Variants in DOCK3 observed in about 807,000 individuals in gnomAD.
DOCK3 encodes dedicator of cytokinesis protein 3.
A neutral mutation model predicts 265.6 loss-of-function variants in DOCK3; 60 were observed. The ratio of observed to expected loss-of-function variants is 0.23; its 90% CI spans 0.18 to 0.28. The LOEUF (loss-of-function observed/expected upper bound fraction) is 0.28. Among genes scored for constraint, DOCK3 ranks in the 10% least tolerant of loss-of-function variants. The pLI is 1.00. For missense variants in DOCK3, 1,981 were observed against 2,594.3 expected, an observed-to-expected ratio of 0.76 and a Z score of 5.14; for synonymous variants, 881 against 938.0, an observed-to-expected ratio of 0.94 and a Z score of 1.11.
chr3:50,779,484 A>T (rs1475863441), intron 2 of DOCK3, among the ~76,000 whole-genome samples: 1 of 152,148 alleles, frequency 6.6e-6, no homozygotes, highest in Non-Finnish European at 1.5e-5. Flanking sequence ...CCCAGGTTCA[A>T]GTAATTCCCC....
chr3:50,747,345 A>G (rs62260156), intron 1 of DOCK3, among the ~76,000 whole-genome samples: 5,445 of 152,220 alleles, frequency 0.036, 135 homozygotes, highest in Non-Finnish European at 0.058. Context: ...GTCTATTTCT[A>G]TAATTGGGAT....
At chr3:50,971,125 C>T (rs2077222329) in intron 5 of DOCK3, among the ~76,000 whole-genome samples, 1 of 149,592 alleles carries the variant, frequency 6.7e-6, no homozygotes, top group African/African-American at 2.5e-5. Flanking sequence ...TCATCATGCT[C>T]AGCCCCACTG....
In DOCK3 at chr3:50,675,114, C is replaced by G. The variant is rs1211419587; in HGVS notation, c.-150C>G. 7.4e-6 allele frequency: 3 copies of G among 406,808 alleles called. No homozygotes were observed. The highest frequency in any genetic ancestry group is 1.0e-5 in the Non-Finnish European group (3 of 299,310). 25.2% of individuals were successfully genotyped at this position (406,808 alleles called of 1,614,324 possible). A position where few individuals can be genotyped will look rare whatever the true frequency, so the allele number is the denominator to read the frequency against. ...CGTGGCGGGGGTGGCGGCGGCATCCCGGACGGCCTGTGAGGGATGCGCCGC... is the reference window on the plus strand; with the variant it reads ...CGTGGCGGGGGTGGCGGCGGCATCCGGGACGGCCTGTGAGGGATGCGCCGC... On this transcript the variant is annotated 5_prime_UTR_variant, in exon 1 of 53. Transcript: ENST00000266037. The surrounding 1 kb of genome is among the most constrained non-coding windows in gnomAD (Gnocchi z 6.1).
intron 27 of DOCK3, among the ~76,000 whole-genome samples, chr3:51,294,967 A>G (rs1260228683): frequency 6.6e-6 from 1 of 152,234 alleles, no homozygotes; most frequent in Non-Finnish European, 1.5e-5. Context: ...TCATTCCACA[A>G]TGTATACATG....
intron 52 of DOCK3, among the ~76,000 whole-genome samples, chr3:51,380,788 GC>G (rs2088567751): frequency 6.6e-6 from 1 of 152,156 alleles, no homozygotes; most frequent in Non-Finnish European, 1.5e-5. Flanking sequence ...ACCGACGGCA[GC>G]CTGGGACCTG....
At chr3:50,694,237 A>G (rs1458935366) in intron 1 of DOCK3, among the ~76,000 whole-genome samples, 2 of 151,896 alleles carry the variant, frequency 1.3e-5, no homozygotes, top group Non-Finnish European at 1.5e-5. Context: ...GCCACTGCAC[A>G]CCAGCCTGGG....
At chr3:51,026,022 C>T (rs1010718712) in intron 5 of DOCK3, among the ~76,000 whole-genome samples, 1 of 151,808 alleles carries the variant, frequency 6.6e-6, no homozygotes, top group South Asian at 2.1e-4. Context: ...TTTGATTTTT[C>T]TATTAAGTTC....
At chr3:50,970,387 C>G (rs1297441317) in intron 5 of DOCK3, among the ~76,000 whole-genome samples, 2 of 152,212 alleles carry the variant, frequency 1.3e-5, no homozygotes, top group East Asian at 3.9e-4. Flanking sequence ...AATAGGTATA[C>G]CAAAACTTTT....
chr3:51,232,667 A>G (rs1560253072), intron 19 of DOCK3, among the ~76,000 whole-genome samples: 1 of 152,096 alleles, frequency 6.6e-6, no homozygotes, highest in Non-Finnish European at 1.5e-5. Flanking sequence ...GGCTGTTTGT[A>G]TATCTTCTTT....
At chr3:50,978,930 T>C (rs1369466685) in intron 5 of DOCK3, among the ~76,000 whole-genome samples, 1 of 152,176 alleles carries the variant, frequency 6.6e-6, no homozygotes, top group Non-Finnish European at 1.5e-5. Flanking sequence ...CGTCACCCCT[T>C]TCTTTGACTA....
chr3:50,878,600 C>A (rs2047848324), intron 3 of DOCK3, among the ~76,000 whole-genome samples: 2 of 152,040 alleles, frequency 1.3e-5, no homozygotes. Context: ...GAGAAACGAA[C>A]AAAGCCTCCA....
chr3:50,821,140 CTT>C (rs771111717), intron 2 of DOCK3, among the ~76,000 whole-genome samples: 30 of 119,432 alleles, frequency 2.5e-4, no homozygotes, highest in East Asian at 4.8e-4. Flanking sequence ...TTTCTTTTTT[CTT>C]TTTTTTTTTT....
intron 5 of DOCK3, among the ~76,000 whole-genome samples, chr3:50,944,970 AAAAC>A (rs1249619582): frequency 6.6e-6 from 1 of 152,240 alleles, no homozygotes; most frequent in African/African-American, 2.4e-5. Context: ...CAAAAAAACA[AAAAC>A]AAACACAAAC....
chr3:51,218,042 T>C (rs1218824607), intron 14 of DOCK3, among the ~76,000 whole-genome samples: 7 of 151,854 alleles, frequency 4.6e-5, no homozygotes, highest in Non-Finnish European at 1.0e-4. Context: ...CGCTTGAACC[T>C]GGGAGGCGGA....
At chr3:51,303,065 G>A (rs1176822495) in intron 27 of DOCK3, among the ~76,000 whole-genome samples, 3 of 151,916 alleles carry the variant, frequency 2.0e-5, no homozygotes, top group South Asian at 2.1e-4. Context: ...CCCATCAGTC[G>A]TAGGTTCAGT....
chr3:51,249,490 C>T (rs1307884804), intron 22 of DOCK3, among the ~76,000 whole-genome samples: 2 of 100,200 alleles, frequency 2.0e-5, no homozygotes, highest in African/African-American at 3.9e-5. Flanking sequence ...CCGCCCCATC[C>T]GGGAGGGAGG....
At chr3:50,970,896 TA>T (rs2077189203) in intron 5 of DOCK3, among the ~76,000 whole-genome samples, 1 of 11,156 alleles carries the variant, frequency 9.0e-5, no homozygotes, top group African/African-American at 3.3e-4. Context: ...AATTTTTATA[TA>T]TATATATATA....
chr3:51,187,391 C>T (rs947521500), intron 12 of DOCK3, among the ~76,000 whole-genome samples: 5 of 152,188 alleles, frequency 3.3e-5, no homozygotes, highest in African/African-American at 1.2e-4. Flanking sequence ...GACTAACTTG[C>T]TTGTGATTTT....
At chr3:51,337,016 G>C in intron 35 of DOCK3, 1 of 405,490 alleles carries the variant, frequency 2.5e-6, no homozygotes. Flanking sequence ...AAGTCAAGCA[G>C]TTTCCTGGCT....
Sources: allele counts gnomAD v4.1 joint callset (sites outside exome capture counted in the v4.1 genomes callset), GRCh38; gene constraint gnomAD v4.1.1; non-coding constraint Gnocchi (gnomAD v3.1); transcripts MANE v1.5; gene names NCBI Gene and HGNC (gene_info 2026-07-23, HGNC 2026-07-21).